The following PCOLCE2 variants were observed in gnomAD, a reference collection of about 807,000 sequenced individuals.
The protein encoded by PCOLCE2 is procollagen C-endopeptidase enhancer 2, also known as procollagen C-proteinase enhancer 2.
Under a neutral mutation model 47.0 loss-of-function variants are expected in PCOLCE2, and 42 were observed. The ratio of observed to expected loss-of-function variants is 0.89; its 90% CI spans 0.70 to 1.16. PCOLCE2 has a LOEUF of 1.16. Among genes scored for constraint, PCOLCE2 ranks in the 50% most tolerant of loss-of-function variants. The pLI, the probability that PCOLCE2 is intolerant of heterozygous loss-of-function variation, is 0.00. For missense variants in PCOLCE2, 500 were observed against 526.1 expected (o/e 0.95, Z 0.49); for synonymous variants, 169 against 191.7 (o/e 0.88, Z 0.98).
intron 2 of PCOLCE2, among the ~76,000 whole-genome samples, chr3:142,874,121 G>C (rs1435934535): frequency 1.3e-5 from 2 of 152,108 alleles, no homozygotes; most frequent in Non-Finnish European, 2.9e-5. Flanking sequence ...CTGTTGCCAG[G>C]CTGGAGTGCA....
chr3:142,838,632 G>T, intron 5 of PCOLCE2, 138 bp downstream of exon 5: 1 of 723,526 alleles, frequency 1.4e-6, no homozygotes, highest in Non-Finnish European at 2.3e-6. Flanking sequence ...AGCAGTGCGA[G>T]AACTAATAGA....
At chr3:142,871,935 T>C (rs1299309762) in intron 2 of PCOLCE2, among the ~76,000 whole-genome samples, 1 of 152,214 alleles carries the variant, frequency 6.6e-6, no homozygotes, top group African/African-American at 2.4e-5. Flanking sequence ...ACAGCCTCCC[T>C]GTGCCAAACA....
At chr3:142,888,673 C>T in intron 1 of PCOLCE2, 141 bp downstream of exon 1, 1 of 487,860 alleles carries the variant, frequency 2.0e-6, no homozygotes, top group Non-Finnish European at 3.6e-6. Context: ...GGGTGGCGGA[C>T]GCCTGCACCG....
At position 142,878,051 on chromosome 3, in the gene PCOLCE2, G is replaced by A. The variant is rs528609572; in HGVS notation, c.192+9618C>T. ...AGGAGCATTTAGCAGGAGTAAAATT[G>A]CCCCTGGGTTCCCTGTGCTTTTCTT... On this transcript the variant is annotated intron_variant, in intron 2 of 8. Transcript: ENST00000295992. Among the ~76,000 whole-genome samples, 10 of 152,256 alleles carry A rather than the reference G, an allele frequency of 6.6e-5. No homozygotes were observed. In the South Asian group the frequency reaches 1.7e-3, roughly 25 times the overall value.
intron 2 of PCOLCE2, among the ~76,000 whole-genome samples, chr3:142,868,061 A>G (rs1207598610): frequency 6.6e-6 from 1 of 152,204 alleles, no homozygotes; most frequent in Admixed American, 6.5e-5. Context: ...GGAAACAATG[A>G]TAATTCTTTT....
At chr3:142,874,363 C>A (rs761976408) in intron 2 of PCOLCE2, among the ~76,000 whole-genome samples, 2 of 152,120 alleles carry the variant, frequency 1.3e-5, no homozygotes, top group Non-Finnish European at 2.9e-5. Context: ...CGTGAGCCAC[C>A]GCACCTGGCC....
intron 1 of PCOLCE2, 42 bp downstream of exon 1, chr3:142,888,772 A>C: frequency 2.5e-6 from 3 of 1,189,530 alleles, no homozygotes; most frequent in East Asian, 2.9e-5. Flanking sequence ...GGGTGGAGGA[A>C]GGGAAAGGAG....
At chr3:142,843,958 A>G (rs1449809154) in intron 3 of PCOLCE2, among the ~76,000 whole-genome samples, 1 of 152,182 alleles carries the variant, frequency 6.6e-6, no homozygotes, top group African/African-American at 2.4e-5. Context: ...AAGTAAGTAG[A>G]ATAATATAAT....
At chr3:142,833,612 C>T (rs527407596) in intron 5 of PCOLCE2, among the ~76,000 whole-genome samples, 1 of 152,090 alleles carries the variant, frequency 6.6e-6, no homozygotes, top group African/African-American at 2.4e-5. Flanking sequence ...TATTTACTCT[C>T]TCCCACCCTC....
intron 2 of PCOLCE2, among the ~76,000 whole-genome samples, chr3:142,863,408 C>A (rs1278506701): frequency 1.3e-5 from 2 of 152,150 alleles, no homozygotes; most frequent in East Asian, 3.8e-4. Flanking sequence ...CTGAATGTTG[C>A]AATATCATAA....
chr3:142,820,128 A>G (rs1007463630), intron 8 of PCOLCE2, among the ~76,000 whole-genome samples: 6 of 151,548 alleles, frequency 4.0e-5, no homozygotes, highest in South Asian at 2.1e-4. Context: ...TTTTATAGAA[A>G]TAGGGTCTCA....
At chr3:142,860,627 C>G (rs374816767) in intron 2 of PCOLCE2, among the ~76,000 whole-genome samples, 1 of 152,168 alleles carries the variant, frequency 6.6e-6, no homozygotes, top group Non-Finnish European at 1.5e-5. Context: ...AGGCTGGTCT[C>G]AAACTCCTGA....
At chr3:142,874,374 G>A (rs1933454041) in intron 2 of PCOLCE2, among the ~76,000 whole-genome samples, 1 of 152,004 alleles carries the variant, frequency 6.6e-6, no homozygotes, top group Admixed American at 6.6e-5. Flanking sequence ...GCACCTGGCC[G>A]AGCTGATGGT....
chr3:142,838,840 C>T lies in PCOLCE2; in HGVS notation c.640G>A (p.Ala214Thr), dbSNP rs756592505. 1 of 1,613,138 alleles carries T rather than the reference C, an allele frequency of 6.2e-7. No homozygotes were observed. The highest frequency in any genetic ancestry group is 8.5e-7 in the Non-Finnish European group (1 of 1,179,112). Residue 214 changes from alanine (A) to threonine (T), a missense_variant, in exon 5 of 9, where the codon GCT becomes ACT. Coordinates refer to ENST00000295992, the MANE Select transcript of PCOLCE2 (RefSeq NM_013363.4). ...RDNYCRYDYVAVFNGGEVNDA... is the reference protein window; with the variant it reads ...RDNYCRYDYVTVFNGGEVNDA... ...TTGACTTCCCCGCCATTAAACACAGCCACATAATCATATCGGCAGTAGTTA... is the reference window on the plus strand; with the variant it reads ...TTGACTTCCCCGCCATTAAACACAGTCACATAATCATATCGGCAGTAGTTA...
intron 2 of PCOLCE2, among the ~76,000 whole-genome samples, chr3:142,860,304 T>G (rs775408139): frequency 6.6e-6 from 1 of 152,204 alleles, no homozygotes. Context: ...CCTATTCCTC[T>G]GTCAAAAATT....
intron 2 of PCOLCE2, among the ~76,000 whole-genome samples, chr3:142,882,982 C>A (rs987161004): frequency 6.6e-6 from 1 of 151,732 alleles, no homozygotes; most frequent in Non-Finnish European, 1.5e-5. Flanking sequence ...GGGTGGATCA[C>A]GAGGTCAGGA....
intron 2 of PCOLCE2, among the ~76,000 whole-genome samples, chr3:142,876,748 G>A (rs1277319954): frequency 6.6e-6 from 1 of 152,182 alleles, no homozygotes; most frequent in African/African-American, 2.4e-5. Context: ...ACATGGCTAT[G>A]TTGGGCATCC....
chr3:142,834,681 T>A (rs1168098524), intron 5 of PCOLCE2, among the ~76,000 whole-genome samples: 1 of 152,200 alleles, frequency 6.6e-6, no homozygotes, highest in Non-Finnish European at 1.5e-5. Context: ...GGATTCCTGG[T>A]CATAGAATTT....
chr3:142,840,504 C>A (rs1937253333), intron 4 of PCOLCE2, among the ~76,000 whole-genome samples: 3 of 152,162 alleles, frequency 2.0e-5, no homozygotes, highest in African/African-American at 7.2e-5. Flanking sequence ...CTAGAGAAGA[C>A]TCAAACACAG....
Sources: allele counts gnomAD v4.1 joint callset (sites outside exome capture counted in the v4.1 genomes callset), GRCh38; gene constraint gnomAD v4.1.1; transcripts MANE v1.5; gene names NCBI Gene and HGNC (gene_info 2026-07-23, HGNC 2026-07-21).